Variants in SPDYA observed in about 807,000 individuals in gnomAD.
SPDYA encodes the protein speedy protein A.
A neutral mutation model predicts 36.7 loss-of-function variants in SPDYA; 11 were observed. That is an observed-to-expected ratio of 0.30 (90% CI 0.19 to 0.50). The LOEUF (loss-of-function observed/expected upper bound fraction) is 0.50, where lower values mean the gene tolerates loss of function less well. Ranked by LOEUF, SPDYA falls within the 20% of genes least tolerant of loss-of-function variation. The pLI, the probability that SPDYA is intolerant of heterozygous loss-of-function variation, is 0.98. For missense variants in SPDYA, 287 were observed against 370.9 expected (o/e 0.77, Z 1.86); for synonymous variants, 115 against 118.7 (o/e 0.97, Z 0.20).
intron 3 of SPDYA, among the ~76,000 whole-genome samples, chr2:28,818,588 GTTA>G (rs1668053441): frequency 1.3e-5 from 2 of 151,896 alleles, no homozygotes; most frequent in South Asian, 4.2e-4. Flanking sequence ...CTTTCTAGAT[GTTA>G]TTATTTTTAA....
intron 4 of SPDYA, among the ~76,000 whole-genome samples, chr2:28,820,605 A>C (rs1372111355): frequency 1.3e-5 from 2 of 152,062 alleles, no homozygotes; most frequent in East Asian, 1.9e-4. Flanking sequence ...ATAATAATAA[A>C]ATAAAATTTC....
chr2:28,835,968 T>A (rs576117271), intron 6 of SPDYA, among the ~76,000 whole-genome samples: 3 of 152,378 alleles, frequency 2.0e-5, no homozygotes, highest in South Asian at 2.1e-4. Context: ...AACTGTTCTA[T>A]ACATTTGTTA....
intron 7 of SPDYA, among the ~76,000 whole-genome samples, chr2:28,848,351 C>G (rs1162397487): frequency 1.3e-5 from 2 of 152,186 alleles, no homozygotes; most frequent in Non-Finnish European, 2.9e-5. Flanking sequence ...ACTTGCATGG[C>G]CTCATCCCCA....
chr2:28,839,333 C>G (rs1438106681), intron 6 of SPDYA, among the ~76,000 whole-genome samples: 2 of 151,890 alleles, frequency 1.3e-5, no homozygotes, highest in Non-Finnish European at 2.9e-5. Flanking sequence ...TCATCTGATC[C>G]TCGCAGCAAC....
At chr2:28,840,054 C>A (rs951216206) in intron 6 of SPDYA, 118 bp from the exon 7 acceptor site, 8 of 925,506 alleles carry the variant, frequency 8.6e-6, no homozygotes, top group Non-Finnish European at 1.3e-5. Flanking sequence ...TTTAAATCAG[C>A]AATTTGGATT....
intron 5 of SPDYA, among the ~76,000 whole-genome samples, chr2:28,825,560 T>C (rs1490305312): frequency 6.6e-6 from 1 of 152,230 alleles, no homozygotes; most frequent in Non-Finnish European, 1.5e-5. Flanking sequence ...TACAGTCTTA[T>C]AATGTTTCCT....
At chr2:28,834,837 T>C (rs996968067) in intron 6 of SPDYA, among the ~76,000 whole-genome samples, 7 of 152,206 alleles carry the variant, frequency 4.6e-5, no homozygotes, top group African/African-American at 1.7e-4. Flanking sequence ...TACATTTCAA[T>C]TGGGTGATTC....
intron 7 of SPDYA, among the ~76,000 whole-genome samples, chr2:28,845,934 A>G (rs1295779005): frequency 6.6e-6 from 1 of 152,254 alleles, no homozygotes; most frequent in Non-Finnish European, 1.5e-5. Flanking sequence ...TTAAATTCTC[A>G]TAGACACCAC....
intron 7 of SPDYA, among the ~76,000 whole-genome samples, chr2:28,842,965 G>A (rs923486787): frequency 1.3e-5 from 2 of 148,750 alleles, no homozygotes; most frequent in African/African-American, 5.0e-5. Flanking sequence ...ATAGTATGTG[G>A]TTGCAAAAAC....
intron 4 of SPDYA, 66 bp from the exon 5 acceptor site, chr2:28,822,257 CTA>C (rs1244950543): frequency 1.5e-6 from 1 of 649,438 alleles, no homozygotes; most frequent in African/African-American, 1.9e-5. Flanking sequence ...TTAAAGTTAA[CTA>C]TTTTAAAGCA....
chr2:28,832,360 CA>C (rs1668498639), intron 6 of SPDYA, among the ~76,000 whole-genome samples: 1 of 152,112 alleles, frequency 6.6e-6, no homozygotes, highest in Non-Finnish European at 1.5e-5. Context: ...TCATTTTTGC[CA>C]GTTCCTTTTC....
At chr2:28,840,930 GTT>G (rs70956054) in intron 7 of SPDYA, 886 of 114,554 alleles carry the variant, frequency 7.7e-3, no homozygotes, top group Middle Eastern at 0.032. Context: ...TCCAAAACCA[GTT>G]TTTTTTTTTT....
intron 6 of SPDYA, among the ~76,000 whole-genome samples, chr2:28,831,528 G>A (rs1046843436): frequency 1.3e-5 from 2 of 151,862 alleles, no homozygotes; most frequent in Admixed American, 6.6e-5. Flanking sequence ...CTTCAAAAAG[G>A]TCACCTTATT....
chr2:28,847,960 A>AAGT (rs1162389619), intron 7 of SPDYA, among the ~76,000 whole-genome samples: 2 of 152,126 alleles, frequency 1.3e-5, no homozygotes, highest in Non-Finnish European at 2.9e-5. Flanking sequence ...TGCAGTCTAG[A>AAGT]AGTAGTAGGC....
chr2:28,816,754 T>G (rs1013431829), intron 3 of SPDYA, among the ~76,000 whole-genome samples: 1 of 152,170 alleles, frequency 6.6e-6, no homozygotes, highest in East Asian at 1.9e-4. Flanking sequence ...GAAACTGAGT[T>G]TGAATTTGTT....
In SPDYA at chr2:28,816,084, A is replaced by G; in HGVS notation, c.70A>G (p.Arg24Gly). The change falls in exon 3 of 8, where the codon AGA becomes GGA. Residue 24 changes from arginine to glycine, a missense_variant. Coordinates refer to ENST00000334056, the MANE Select transcript of SPDYA (RefSeq NM_182756.4). Reference protein sequence around the residue: ...VTVYVKSGSNRSHQPKKPITL... With the variant: ...VTVYVKSGSNGSHQPKKPITL... Reference sequence around the variant, plus strand: ...TGTTTATGTAAAATCAGGGTCAAATAGATCACATCAGCCTAAAAAGCCCAT... The same window carrying G: ...TGTTTATGTAAAATCAGGGTCAAATGGATCACATCAGCCTAAAAAGCCCAT... 6.2e-7 allele frequency: 1 copy of G among 1,614,072 alleles called. No homozygotes were observed. Among genetic ancestry groups the G allele is most frequent in the East Asian group, 2.2e-5 (1 of 44,862 alleles).
chr2:28,813,553 ATT>A (rs780151995), intron 1 of SPDYA, among the ~76,000 whole-genome samples: 8 of 141,592 alleles, frequency 5.7e-5, no homozygotes, highest in Admixed American at 1.4e-4. Flanking sequence ...TTCTATCTAG[ATT>A]TTTTTTTTTT....
intron 3 of SPDYA, among the ~76,000 whole-genome samples, chr2:28,817,604 A>G (rs192624323): frequency 2.7e-5 from 4 of 150,634 alleles, no homozygotes; most frequent in Admixed American, 2.6e-4. Context: ...GGCCAGGCGC[A>G]GTGGCTCATT....
intron 3 of SPDYA, among the ~76,000 whole-genome samples, chr2:28,818,300 T>A (rs193020382): frequency 6.6e-6 from 1 of 152,154 alleles, no homozygotes; most frequent in Non-Finnish European, 1.5e-5. Flanking sequence ...TATGCCTTTT[T>A]ACTTAAAATG....
Sources: allele counts gnomAD v4.1 joint callset (sites outside exome capture counted in the v4.1 genomes callset), GRCh38; gene constraint gnomAD v4.1.1; transcripts MANE v1.5; gene names NCBI Gene and HGNC (gene_info 2026-07-23, HGNC 2026-07-21).